Variants in SSH2 observed in about 807,000 individuals in gnomAD.
SSH2 encodes the protein slingshot protein phosphatase 2.
In SSH2, 37 loss-of-function variants were observed where a neutral mutation model predicts 135.2. The ratio of observed to expected loss-of-function variants is 0.27; its 90% CI spans 0.21 to 0.36. SSH2 has a LOEUF of 0.36. Among genes scored for constraint, SSH2 ranks in the 10% least tolerant of loss-of-function variants. The probability of loss-of-function intolerance (pLI) is 1.00; values close to 1 mark genes in which losing one functional copy is unlikely to be tolerated. For missense variants in SSH2, 1,408 were observed against 1,765.3 expected (o/e 0.80, Z 3.63); for synonymous variants, 628 against 646.2 (o/e 0.97, Z 0.43).
chr17:29,754,930 A>G (rs1042767621), intron 3 of SSH2, among the ~76,000 whole-genome samples: 1 of 152,184 alleles, frequency 6.6e-6, no homozygotes, highest in Admixed American at 6.5e-5. Context: ...AAGAATTGAG[A>G]TTATAGGCGT....
chr17:29,662,631 GA>G (rs1367260335), intron 11 of SSH2, among the ~76,000 whole-genome samples: 2 of 151,868 alleles, frequency 1.3e-5, no homozygotes, highest in Non-Finnish European at 2.9e-5. Context: ...CCAATTTGAG[GA>G]TTTTTTTTTA....
At chr17:29,824,484 C>T (rs1228319787) in intron 2 of SSH2, among the ~76,000 whole-genome samples, 3 of 152,162 alleles carry the variant, frequency 2.0e-5, no homozygotes, top group Admixed American at 6.5e-5. Context: ...CCAAGCTTCC[C>T]CTCTCATTTC....
intron 1 of SSH2, among the ~76,000 whole-genome samples, chr17:29,908,762 T>TG (rs1481107263): frequency 6.1e-4 from 32 of 52,734 alleles, no homozygotes; most frequent in Non-Finnish European, 7.9e-4. Context: ...AGACTCCATC[T>TG]GAAAAAAAAA....
intron 3 of SSH2, among the ~76,000 whole-genome samples, chr17:29,792,098 T>C (rs2042077808): frequency 6.6e-6 from 1 of 151,826 alleles, no homozygotes; most frequent in Admixed American, 6.6e-5. Context: ...AATTTTTTTT[T>C]GTATTTTTAT....
chr17:29,724,166 A>G (rs1256989268), intron 3 of SSH2, among the ~76,000 whole-genome samples: 3 of 152,222 alleles, frequency 2.0e-5, no homozygotes, highest in Non-Finnish European at 4.4e-5. Context: ...TAATACATGC[A>G]AAACAGAGGA....
chr17:29,901,494 T>A (rs2066553027), intron 1 of SSH2, among the ~76,000 whole-genome samples: 1 of 152,116 alleles, frequency 6.6e-6, no homozygotes, highest in Non-Finnish European at 1.5e-5. Context: ...AGGCAAACAT[T>A]AGAATATTCA....
chr17:29,770,998 G>C (rs2041573150), intron 3 of SSH2, among the ~76,000 whole-genome samples: 1 of 152,166 alleles, frequency 6.6e-6, no homozygotes, highest in Non-Finnish European at 1.5e-5. Context: ...TTTTACAGAT[G>C]AGGAAACTAA....
At chr17:29,731,417 T>TTTTTTTTATTTATTTA (rs978147775) in intron 3 of SSH2, among the ~76,000 whole-genome samples, 1 of 119,724 alleles carries the variant, frequency 8.4e-6, no homozygotes, top group African/African-American at 3.0e-5. Flanking sequence ...CAGAAGTATT[T>TTTTTTTTATTTATTTA]TTTATTTATT....
At chr17:29,761,459 C>A (rs1448915803) in intron 3 of SSH2, 54 of 995,300 alleles carry the variant, frequency 5.4e-5, no homozygotes, top group Non-Finnish European at 6.3e-5. Context: ...AGTTCGCCCC[C>A]ACCCGCGTCC....
chr17:29,636,949 C>A, intron 14 of SSH2, 147 bp from the exon 15 acceptor site: 1 of 622,580 alleles, frequency 1.6e-6, no homozygotes. Flanking sequence ...TTTGAAAAGA[C>A]AATTTAATAG....
chr17:29,716,334 C>T (rs62068605), intron 3 of SSH2: 4 of 462,268 alleles, frequency 8.7e-6, no homozygotes, highest in South Asian at 4.4e-5. Context: ...TTTTCTTTCA[C>T]GTGCTTCAGG....
chr17:29,790,989 A>T (rs926197228), intron 3 of SSH2, among the ~76,000 whole-genome samples: 1 of 152,080 alleles, frequency 6.6e-6, no homozygotes, highest in Non-Finnish European at 1.5e-5. Flanking sequence ...TGGCCTCCCA[A>T]AGTGCTGGGA....
intron 2 of SSH2, among the ~76,000 whole-genome samples, chr17:29,812,135 C>T (rs1424796658): frequency 6.6e-6 from 1 of 150,892 alleles, no homozygotes; most frequent in Non-Finnish European, 1.5e-5. Context: ...ATTTTTATAC[C>T]CTGATACCTG....
At chr17:29,729,454 G>C (rs559352941) in intron 3 of SSH2, among the ~76,000 whole-genome samples, 1 of 152,302 alleles carries the variant, frequency 6.6e-6, no homozygotes, top group South Asian at 2.1e-4. Flanking sequence ...GTGTAAACTA[G>C]TACAACCACT....
rs1358483568 is a variant in SSH2 at position 29,631,108 on chromosome 17, C to G, written c.4086G>C (p.Gln1362His). Reference sequence around the variant, plus strand: ...CAAGGGGCCTCTCCACTGGCTTGCTCTGCACAATACACTCTGTTGTTGTGA... The same window carrying G: ...CAAGGGGCCTCTCCACTGGCTTGCTGTGCACAATACACTCTGTTGTTGTGA... ...EQLTTTECIV[Q>H]SKPVERPLVQ... The change falls in exon 16 of 16, where the codon CAG (glutamine) becomes CAC (histidine). Residue 1362 changes from glutamine to histidine, a missense_variant. Physicochemically the swap from Gln to His is conservative, Grantham distance 24 (BLOSUM62 0). This residue lies in a region of SSH2 where 1,080 missense variants were observed against 1,144.5 expected (regional missense o/e 0.94). Transcript: ENST00000540801. 10 of 1,614,118 alleles carry G rather than the reference C, an allele frequency of 6.2e-6. No homozygotes were observed. Among genetic ancestry groups the G allele is most frequent in the Non-Finnish European group, 6.8e-6 (8 of 1,180,054 alleles).
intron 1 of SSH2, among the ~76,000 whole-genome samples, chr17:29,871,403 T>G (rs2151421340): frequency 6.6e-6 from 1 of 152,312 alleles, no homozygotes; most frequent in Non-Finnish European, 1.5e-5. Context: ...AATGTTAACA[T>G]CCTACTGAAT....
At chr17:29,899,243 A>T (rs1381447414) in intron 1 of SSH2, among the ~76,000 whole-genome samples, 3 of 151,666 alleles carry the variant, frequency 2.0e-5, no homozygotes, top group Admixed American at 2.0e-4. Flanking sequence ...CTCTCTCACC[A>T]CTCCTATTCA....
intron 2 of SSH2, among the ~76,000 whole-genome samples, chr17:29,845,650 G>C (rs759696554): frequency 1.4e-4 from 22 of 152,026 alleles, no homozygotes; most frequent in Non-Finnish European, 3.1e-4. Flanking sequence ...GTCCAGGCTG[G>C]AGTGCAATGG....
At chr17:29,893,961 C>T (rs1175405415) in intron 1 of SSH2, among the ~76,000 whole-genome samples, 1 of 152,038 alleles carries the variant, frequency 6.6e-6, no homozygotes, top group Non-Finnish European at 1.5e-5. Context: ...ATTAGTCTCC[C>T]AAATGTCCCA....
Sources: allele counts gnomAD v4.1 joint callset (sites outside exome capture counted in the v4.1 genomes callset), GRCh38; gene constraint gnomAD v4.1.1; regional missense constraint gnomAD v4.1.1; transcripts MANE v1.5; gene names NCBI Gene and HGNC (gene_info 2026-07-23, HGNC 2026-07-21).